Variants in DCC observed in about 807,000 individuals in gnomAD.
DCC encodes DCC netrin 1 receptor, also known as netrin receptor DCC.
In DCC, 58 loss-of-function variants were observed where a neutral mutation model predicts 172.5. The observed-to-expected ratio is 0.34, with a 90% CI of 0.27 to 0.42. The LOEUF (loss-of-function observed/expected upper bound fraction) is 0.42, where lower values mean the gene tolerates loss of function less well. Ranked by LOEUF, DCC falls within the 10% of genes least tolerant of loss-of-function variation. The pLI is 1.00. For synonymous variants in DCC, 709 were observed against 644.5 expected (o/e 1.10, Z -1.52); for missense variants, 1,740 against 1,791.0 (o/e 0.97, Z 0.51).
intron 14 of DCC, among the ~76,000 whole-genome samples, chr18:53,336,426 G>A (rs1303912671): frequency 6.6e-6 from 1 of 152,156 alleles, no homozygotes; most frequent in Non-Finnish European, 1.5e-5. Flanking sequence ...GGCATAAATT[G>A]GCTATCATGG....
intron 15 of DCC, among the ~76,000 whole-genome samples, chr18:53,375,514 A>G (rs1238356185): frequency 1.3e-5 from 2 of 152,192 alleles, no homozygotes; most frequent in South Asian, 2.1e-4. Context: ...ACTTTTTAAA[A>G]TAATGATTTG....
intron 26 of DCC, among the ~76,000 whole-genome samples, chr18:53,496,175 C>T (rs939472186): frequency 6.6e-6 from 1 of 150,782 alleles, no homozygotes; most frequent in Non-Finnish European, 1.5e-5. Context: ...AGACACCTCC[C>T]AGTTGGAGCT....
chr18:53,301,120 G>T (rs1270011798), intron 12 of DCC, among the ~76,000 whole-genome samples: 1 of 140,780 alleles, frequency 7.1e-6, no homozygotes. Flanking sequence ...ATGGAGTTTT[G>T]CTCTTGTTGC....
intron 1 of DCC, among the ~76,000 whole-genome samples, chr18:52,732,248 A>C (rs2145095882): frequency 6.6e-6 from 1 of 152,330 alleles, no homozygotes; most frequent in East Asian, 1.9e-4. Context: ...TTAGAATTTA[A>C]GACTCAGCCA....
chr18:53,429,047 TAA>T (rs1568127044), intron 21 of DCC, among the ~76,000 whole-genome samples: 4 of 33,850 alleles, frequency 1.2e-4, no homozygotes, highest in African/African-American at 2.5e-4. Flanking sequence ...ATTTTATATA[TAA>T]TATATTATAT....
At chr18:53,116,126 A>G (rs1408218329) in intron 7 of DCC, among the ~76,000 whole-genome samples, 1 of 151,714 alleles carries the variant, frequency 6.6e-6, no homozygotes, top group Non-Finnish European at 1.5e-5. Flanking sequence ...TTTGCAACAC[A>G]TGATGTTAAT....
intron 27 of DCC, among the ~76,000 whole-genome samples, chr18:53,517,214 C>T (rs1237037617): frequency 6.0e-4 from 88 of 147,010 alleles, no homozygotes; most frequent in East Asian, 4.8e-3. Flanking sequence ...AACCAAACAC[C>T]GCATATTCTC....
chr18:53,259,444 G>A (rs1414202837), intron 12 of DCC, among the ~76,000 whole-genome samples: 1 of 152,178 alleles, frequency 6.6e-6, no homozygotes, highest in African/African-American at 2.4e-5. Flanking sequence ...TGTCTGTAAA[G>A]TATTTTATTT....
intron 11 of DCC, among the ~76,000 whole-genome samples, chr18:53,209,560 T>A (rs1163419780): frequency 2.6e-5 from 4 of 152,206 alleles, no homozygotes; most frequent in Non-Finnish European, 5.9e-5. Context: ...AGGAAGGGCA[T>A]GCATATTATT....
At chr18:53,066,942 G>T (rs1460098305) in intron 7 of DCC, among the ~76,000 whole-genome samples, 1 of 152,012 alleles carries the variant, frequency 6.6e-6, no homozygotes, top group Admixed American at 6.6e-5. Flanking sequence ...AACAGAGAAA[G>T]AGGGGGAAGT....
At chr18:53,085,133 A>G (rs1313419988) in intron 7 of DCC, among the ~76,000 whole-genome samples, 1 of 152,202 alleles carries the variant, frequency 6.6e-6, no homozygotes, top group Non-Finnish European at 1.5e-5. Context: ...CACTGAAAGA[A>G]CACAAAAGCC....
chr18:52,418,829 C>G (rs560380209), intron 1 of DCC, among the ~76,000 whole-genome samples: 3 of 148,278 alleles, frequency 2.0e-5, no homozygotes, highest in Non-Finnish European at 4.5e-5. Context: ...TATCCGAGAT[C>G]CTTTTTCTTT....
chr18:52,756,726 A>C (rs1430568867), intron 2 of DCC, among the ~76,000 whole-genome samples: 2 of 149,966 alleles, frequency 1.3e-5, no homozygotes, highest in African/African-American at 5.1e-5. Flanking sequence ...GTTGCCAGCT[A>C]TCTGAGCCTC....
chr18:53,504,509 C>T (rs1055002683), intron 27 of DCC, among the ~76,000 whole-genome samples: 7 of 152,146 alleles, frequency 4.6e-5, no homozygotes, highest in African/African-American at 1.4e-4. Flanking sequence ...TGAAAGCTAT[C>T]GGTGTGGCTT....
intron 7 of DCC, among the ~76,000 whole-genome samples, chr18:53,142,043 C>T (rs1484710558): frequency 6.6e-6 from 1 of 152,178 alleles, no homozygotes; most frequent in Non-Finnish European, 1.5e-5. Flanking sequence ...TTTGCTATGC[C>T]CACTGGAGCA....
At chr18:53,218,079 C>T (rs925864736) in intron 12 of DCC, among the ~76,000 whole-genome samples, 1 of 152,006 alleles carries the variant, frequency 6.6e-6, no homozygotes, top group African/African-American at 2.4e-5. Context: ...AAAGTCCTGA[C>T]CTCAAGCTAT....
chr18:53,485,235 A>G (rs965133493), intron 25 of DCC, among the ~76,000 whole-genome samples: 4 of 152,108 alleles, frequency 2.6e-5, no homozygotes, highest in African/African-American at 7.2e-5. Context: ...ACATGTATCT[A>G]TATGTGTCTC....
At chr18:52,430,663 C>T (rs183279690) in intron 1 of DCC, among the ~76,000 whole-genome samples, 15 of 152,184 alleles carry the variant, frequency 9.9e-5, no homozygotes, top group Admixed American at 2.6e-4. Context: ...TGTGCAAAAC[C>T]GCTGTGGAAT....
intron 12 of DCC, among the ~76,000 whole-genome samples, chr18:53,305,308 T>G (rs2057187444): frequency 6.6e-6 from 1 of 152,218 alleles, no homozygotes; most frequent in East Asian, 1.9e-4. Flanking sequence ...TTTATACCAT[T>G]TAGAATATTT....
Sources: allele counts gnomAD v4.1 joint callset (sites outside exome capture counted in the v4.1 genomes callset), GRCh38; gene constraint gnomAD v4.1.1; transcripts MANE v1.5; gene names NCBI Gene and HGNC (gene_info 2026-07-23, HGNC 2026-07-21).